Variants in DGKI observed in about 807,000 individuals in gnomAD.
DGKI encodes diacylglycerol kinase iota.
In DGKI, 55 loss-of-function variants were observed where a neutral mutation model predicts 147.5. The observed-to-expected ratio is 0.37, with a 90% CI of 0.30 to 0.47. The LOEUF is 0.47. DGKI is among the 20% of genes least tolerant of loss of function. The pLI, the probability that DGKI is intolerant of heterozygous loss-of-function variation, is 1.00. For missense variants in DGKI, 1,007 were observed against 1,323.8 expected, an observed-to-expected ratio of 0.76 and a Z score of 3.71; for synonymous variants, 469 against 477.1, an observed-to-expected ratio of 0.98 and a Z score of 0.22.
chr7:137,604,653 G>C (rs972239000), intron 10 of DGKI, among the ~76,000 whole-genome samples: 2 of 152,264 alleles, frequency 1.3e-5, no homozygotes, highest in Non-Finnish European at 2.9e-5. Context: ...AGTGTGCAAA[G>C]CCAGGGTCTG....
chr7:137,397,973 A>G (rs1446177766), intron 30 of DGKI, among the ~76,000 whole-genome samples: 3 of 152,202 alleles, frequency 2.0e-5, no homozygotes, highest in Non-Finnish European at 2.9e-5. Context: ...CCCTTTCACA[A>G]TGTTTTGTGT....
chr7:137,581,083 G>A lies in DGKI; in HGVS notation c.1642+767C>T, dbSNP rs535951801. Among the ~76,000 whole-genome samples the A allele has an allele frequency of 7.2e-5, 11 of 152,134 alleles. No individual in the cohort carries two copies. In the South Asian group the frequency reaches 8.3e-4, roughly 12 times the overall value. On this transcript the variant is annotated intron_variant, in intron 15 of 32. Coordinates refer to ENST00000614521, the MANE Select transcript of DGKI (RefSeq NM_001321708.2). Reference sequence around the variant, plus strand: ...AAAGAGAGAGAGAGAGAGATCAATCGGGACTACAAAACATAAGTCAAACCC... The same window carrying A: ...AAAGAGAGAGAGAGAGAGATCAATCAGGACTACAAAACATAAGTCAAACCC...
intron 10 of DGKI, among the ~76,000 whole-genome samples, chr7:137,601,594 A>G (rs925946488): frequency 6.6e-5 from 10 of 152,270 alleles, no homozygotes; most frequent in Admixed American, 6.5e-4. Context: ...AATGCAGTAT[A>G]TAAAATAGAA....
chr7:137,703,856 C>T (rs1163588636), intron 1 of DGKI, among the ~76,000 whole-genome samples: 1 of 152,078 alleles, frequency 6.6e-6, no homozygotes, highest in East Asian at 1.9e-4. Flanking sequence ...AAGAAAGTAT[C>T]ACGCATACAC....
chr7:137,654,737 T>C lies in DGKI; in HGVS notation c.733A>G (p.Arg245Gly). 1 of 1,605,266 alleles carries C rather than the reference T, an allele frequency of 6.2e-7. No homozygotes were observed. The highest frequency in any genetic ancestry group is 8.5e-7 in the Non-Finnish European group (1 of 1,172,826). The change falls in exon 5 of 33, where the codon AGA becomes GGA. Residue 245 changes from arginine to glycine, a missense_variant. Transcript: ENST00000614521. ...TCAAGCTCTGAAATACTCACTTCTC[T>C]TGGTGACCTTGAGCCTCCTTCTCGA... ...TFREGGSRSP[R>G]ENFVRHHWVH...
chr7:137,384,489 A>G lies in DGKI; in HGVS notation c.*6731T>C, dbSNP rs191490997. 4.1e-4 allele frequency: 62 copies of G among 152,096 alleles called. 2 individuals carry two copies. In the South Asian group the frequency reaches 6.0e-3, roughly 15 times the overall value. 9.4% of individuals were successfully genotyped at this position (152,096 alleles called of 1,614,324 possible). On this transcript the variant is annotated 3_prime_UTR_variant, in exon 33 of 33. Transcript: ENST00000614521. ...TGAAGGCAATGATGGAAAATGACTT[A>G]CTTAGAAAACATGTTAATATGTAAT... is the stretch of plus-strand genomic sequence containing the variant.
Position 137,604,997 on chromosome 7 carries a change from C to G in DGKI, c.1167+3969G>C, listed in dbSNP as rs562381143. On this transcript the variant is annotated intron_variant, in intron 10 of 32. Coordinates refer to ENST00000614521, the MANE Select transcript of DGKI (RefSeq NM_001321708.2). ...AAACTTTATGTTACACTTACTATCT[C>G]TTTCCACCGAAGGAGGTATTCAAAG... is the stretch of plus-strand genomic sequence containing the variant. Among the ~76,000 whole-genome samples, 72 of 152,272 alleles carry G rather than the reference C, an allele frequency of 4.7e-4. 1 individual carries two copies. The highest frequency in any genetic ancestry group is 1.6e-3 in the African/African-American group (65 of 41,556).
intron 6 of DGKI, among the ~76,000 whole-genome samples, chr7:137,641,748 T>A (rs943986747): frequency 6.6e-6 from 1 of 152,250 alleles, no homozygotes; most frequent in Non-Finnish European, 1.5e-5. Context: ...CAAGAATTGA[T>A]GTTGGAAATT....
chr7:137,435,388 A>C (rs1248304632), intron 28 of DGKI, among the ~76,000 whole-genome samples: 1 of 152,172 alleles, frequency 6.6e-6, no homozygotes, highest in African/African-American at 2.4e-5. Context: ...AGACACGGAA[A>C]TTAATGAGCA....
At chr7:137,798,525 G>A (rs1056448331) in intron 1 of DGKI, among the ~76,000 whole-genome samples, 6 of 152,062 alleles carry the variant, frequency 3.9e-5, no homozygotes, top group Non-Finnish European at 7.4e-5. Context: ...GGGCTCCTGT[G>A]ATCTTCCCAC....
intron 20 of DGKI, among the ~76,000 whole-genome samples, chr7:137,524,596 T>G (rs189204548): frequency 6.6e-6 from 1 of 152,212 alleles, no homozygotes; most frequent in East Asian, 1.9e-4. Context: ...TCCCTTTATT[T>G]CCAAGTTCAC....
intron 19 of DGKI, among the ~76,000 whole-genome samples, chr7:137,563,368 C>G (rs1402588425): frequency 6.6e-6 from 1 of 151,768 alleles, no homozygotes; most frequent in East Asian, 1.9e-4. Flanking sequence ...GCATTCTTAT[C>G]ATTTTTATTC....
chr7:137,445,758 C>T (rs56372813), intron 27 of DGKI, among the ~76,000 whole-genome samples: 2,670 of 152,188 alleles, frequency 0.018, 83 homozygotes, highest in African/African-American at 0.061. Context: ...AAGGAAAAGT[C>T]CTAGAGACTT....
intron 28 of DGKI, among the ~76,000 whole-genome samples, chr7:137,418,347 G>A (rs570812198): frequency 5.3e-5 from 8 of 152,276 alleles, no homozygotes; most frequent in African/African-American, 1.7e-4. Context: ...GGACATCTGT[G>A]GAGAGCAGCA....
intron 19 of DGKI, among the ~76,000 whole-genome samples, chr7:137,558,445 G>A (rs932650329): frequency 6.6e-6 from 1 of 151,948 alleles, no homozygotes; most frequent in African/African-American, 2.4e-5. Context: ...AGCTAATTTC[G>A]TTTTGTATTT....
chr7:137,708,085 G>A (rs2116548263), intron 1 of DGKI, among the ~76,000 whole-genome samples: 1 of 152,274 alleles, frequency 6.6e-6, no homozygotes, highest in Non-Finnish European at 1.5e-5. Flanking sequence ...ACCCCAACTT[G>A]TGGCCTATTC....
At chr7:137,824,249 GC>G (rs1369529837) in intron 1 of DGKI, among the ~76,000 whole-genome samples, 1 of 152,200 alleles carries the variant, frequency 6.6e-6, no homozygotes, top group Non-Finnish European at 1.5e-5. Flanking sequence ...AGGTGCAGCG[GC>G]TCACGCCTAT....
intron 1 of DGKI, among the ~76,000 whole-genome samples, chr7:137,808,965 C>T (rs76954340): frequency 0.03 from 4,562 of 152,136 alleles, 92 homozygotes; most frequent in Non-Finnish European, 0.043. Flanking sequence ...AACTCCACAC[C>T]CCCCCAGGAA....
At chr7:137,752,530 C>T (rs1033580224) in intron 1 of DGKI, among the ~76,000 whole-genome samples, 3 of 152,280 alleles carry the variant, frequency 2.0e-5, no homozygotes, top group Admixed American at 6.5e-5. Flanking sequence ...GATAGCCCAG[C>T]GCCGCACCTT....
Sources: gnomAD v4.1 joint callset for allele counts (sites outside exome capture counted in the v4.1 genomes callset) on GRCh38, gnomAD v4.1.1 for gene constraint, MANE v1.5 for transcripts, NCBI Gene and HGNC (gene_info 2026-07-23, HGNC 2026-07-21) for gene names.